MAST4: variants seen among roughly 807,000 people sequenced by gnomAD.
MAST4 encodes microtubule-associated serine/threonine-protein kinase 4.
Under a neutral mutation model 162.7 loss-of-function variants are expected in MAST4, and 89 were observed. That is an observed-to-expected ratio of 0.55 (90% confidence interval 0.46 to 0.65). The LOEUF is 0.65. Among genes scored for constraint, MAST4 ranks in the 30% least tolerant of loss-of-function variants. The pLI, the probability that MAST4 is intolerant of heterozygous loss-of-function variation, is 0.00. For synonymous variants in MAST4, 1,479 were observed against 1,361.1 expected, an observed-to-expected ratio of 1.09 and a Z score of -1.91; for missense variants, 3,153 against 3,374.0, an observed-to-expected ratio of 0.93 and a Z score of 1.62.
At chr5:66,830,680 A>G (rs1757538345) in intron 3 of MAST4, among the ~76,000 whole-genome samples, 3 of 152,150 alleles carry the variant, frequency 2.0e-5, no homozygotes, top group Non-Finnish European at 1.5e-5. Flanking sequence ...TTTTACTCCC[A>G]TTGCATCTAA....
chr5:66,813,906 A>G (rs1006622779), intron 3 of MAST4, among the ~76,000 whole-genome samples: 4 of 152,216 alleles, frequency 2.6e-5, no homozygotes, highest in Non-Finnish European at 5.9e-5. Flanking sequence ...TGCTTTCAGA[A>G]TTGTTTTGTT....
intron 4 of MAST4, among the ~76,000 whole-genome samples, chr5:66,914,453 G>C (rs1447131001): frequency 6.6e-6 from 1 of 152,198 alleles, no homozygotes; most frequent in Non-Finnish European, 1.5e-5. Context: ...TCAGGGAGTA[G>C]CTCAAGTAAT....
intron 3 of MAST4, among the ~76,000 whole-genome samples, chr5:66,795,742 C>T (rs1755615665): frequency 6.6e-6 from 1 of 152,202 alleles, no homozygotes; most frequent in Admixed American, 6.5e-5. Context: ...AATCAGCTTA[C>T]CAAACCAACT....
At chr5:67,078,054 G>A (rs764080672) in intron 5 of MAST4, among the ~76,000 whole-genome samples, 2 of 152,070 alleles carry the variant, frequency 1.3e-5, no homozygotes, top group African/African-American at 4.8e-5. Context: ...AGCCAAGATC[G>A]CGCCATTGCA....
chr5:67,163,729 A>G lies in MAST4; in HGVS notation c.4550A>G (p.Lys1517Arg). The part of the protein sequence containing the change: ...QGCLKRPVSR[K>R]VGRQESVDDL... ...TGCCTGAAACGCCCAGTCTCCCGGAAGGTGGGCCGCCAGGAGTCTGTGGAC... is the reference window on the plus strand; with the variant it reads ...TGCCTGAAACGCCCAGTCTCCCGGAGGGTGGGCCGCCAGGAGTCTGTGGAC... The change falls in exon 29 of 29, where the codon AAG becomes AGG. Residue 1517 changes from lysine to arginine, a missense_variant. Around this residue, in one of 7 missense-constraint regions of MAST4, gnomAD observed 1,644 missense variants for 1,495.0 expected, o/e 1.10. Coordinates refer to ENST00000403625, the MANE Select transcript of MAST4 (RefSeq NM_001164664.2). This position sits in a 1 kb window ranked among gnomAD's most constrained non-coding sequence, Gnocchi z 7.0. 1 of 1,609,114 alleles carries G rather than the reference A, an allele frequency of 6.2e-7. No homozygotes were observed. The highest frequency in any genetic ancestry group is 8.5e-7 in the Non-Finnish European group (1 of 1,178,008).
chr5:67,006,390 C>T (rs1271924309), intron 4 of MAST4, among the ~76,000 whole-genome samples: 1 of 152,170 alleles, frequency 6.6e-6, no homozygotes, highest in African/African-American at 2.4e-5. Context: ...TAGTATTGCT[C>T]ATCAAGTTGT....
At chr5:66,909,200 A>G (rs1763581930) in intron 4 of MAST4, among the ~76,000 whole-genome samples, 1 of 152,100 alleles carries the variant, frequency 6.6e-6, no homozygotes, top group Admixed American at 6.5e-5. Flanking sequence ...ACGTCCTTGG[A>G]TAGATCTTTC....
intron 1 of MAST4, among the ~76,000 whole-genome samples, chr5:66,624,634 A>G (rs1744304518): frequency 6.6e-6 from 1 of 152,144 alleles, no homozygotes. Context: ...CAACTTCCTG[A>G]CTTCAAATTA....
intron 4 of MAST4, among the ~76,000 whole-genome samples, chr5:66,998,230 A>G (rs1750895280): frequency 6.6e-6 from 1 of 152,222 alleles, no homozygotes; most frequent in Non-Finnish European, 1.5e-5. Flanking sequence ...TTCATGCTCA[A>G]GAGCTGTATA....
intron 3 of MAST4, among the ~76,000 whole-genome samples, chr5:66,823,421 A>T (rs1232131522): frequency 6.6e-6 from 1 of 152,198 alleles, no homozygotes; most frequent in Non-Finnish European, 1.5e-5. Context: ...ATTTGATGAG[A>T]TGATACATAT....
chr5:67,040,091 A>T (rs1756537331), intron 4 of MAST4, among the ~76,000 whole-genome samples: 1 of 152,030 alleles, frequency 6.6e-6, no homozygotes, highest in Non-Finnish European at 1.5e-5. Context: ...TGTGGGCATT[A>T]ATTCTTCTTT....
chr5:66,693,520 A>G (rs1185591414), intron 1 of MAST4, among the ~76,000 whole-genome samples: 2 of 152,326 alleles, frequency 1.3e-5, no homozygotes, highest in Admixed American at 6.5e-5. Flanking sequence ...CATTTGCCAC[A>G]ATTCGCTAAC....
chr5:66,995,888 TAC>T (rs34561453), intron 4 of MAST4, among the ~76,000 whole-genome samples: 4,161 of 146,632 alleles, frequency 0.028, 130 homozygotes, highest in African/African-American at 0.073. Context: ...CACACTCACA[TAC>T]ACACACACAC....
At chr5:66,910,209 C>T (rs932048701) in intron 4 of MAST4, among the ~76,000 whole-genome samples, 9 of 152,150 alleles carry the variant, frequency 5.9e-5, no homozygotes, top group African/African-American at 2.2e-4. Context: ...CTCAAACTTG[C>T]CTTAAAAGCA....
intron 1 of MAST4, among the ~76,000 whole-genome samples, chr5:66,733,501 C>A (rs1413189282): frequency 1.3e-5 from 2 of 152,112 alleles, no homozygotes; most frequent in East Asian, 3.9e-4. Context: ...AGTGAGTCAC[C>A]CAGGCTGGAG....
rs751898344 is a variant in MAST4, at chr5:66,596,731, T to C, written c.76T>C (p.Ser26Pro). ...CSGHGSRTPASALVAASSPGA... is the reference protein window; with the variant it reads ...CSGHGSRTPAPALVAASSPGA... ...TGGCCACGGCAGCCGGACTCCAGCC[T>C]CTGCGCTGGTCGCCGCGTCCTCTCC... Residue 26 changes from serine (S) to proline (P), a missense_variant, in exon 1 of 29, where the codon TCT (serine) becomes CCT (proline). Coordinates refer to ENST00000403625, the MANE Select transcript of MAST4 (RefSeq NM_001164664.2). 2 of 1,414,742 alleles carry C rather than the reference T, an allele frequency of 1.4e-6. No homozygotes were observed. Among genetic ancestry groups the C allele is most frequent in the South Asian group, 1.7e-5 (1 of 59,436 alleles). 87.6% of individuals were successfully genotyped at this position (1,414,742 alleles called of 1,614,324 possible). A position where few individuals can be genotyped will look rare whatever the true frequency, so the allele number is the denominator to read the frequency against.
intron 3 of MAST4, among the ~76,000 whole-genome samples, chr5:66,848,638 C>T (rs568939689): frequency 2.0e-5 from 3 of 152,286 alleles, no homozygotes; most frequent in African/African-American, 4.8e-5. Context: ...TCTCATCTGT[C>T]GACTCTTAGA....
chr5:66,613,817 C>G (rs1238777229), intron 1 of MAST4, among the ~76,000 whole-genome samples: 2 of 152,092 alleles, frequency 1.3e-5, no homozygotes, highest in African/African-American at 4.8e-5. Context: ...ATCTGTTAAA[C>G]AAAAATAAAC....
intron 3 of MAST4, among the ~76,000 whole-genome samples, chr5:66,841,789 G>A (rs1406459791): frequency 6.6e-6 from 1 of 152,122 alleles, no homozygotes; most frequent in Non-Finnish European, 1.5e-5. Flanking sequence ...TAGCTCTGGC[G>A]AGGCAAATGG....
Sources: allele counts gnomAD v4.1 joint callset (sites outside exome capture counted in the v4.1 genomes callset), GRCh38; gene constraint gnomAD v4.1.1; regional missense constraint gnomAD v4.1.1; non-coding constraint Gnocchi (gnomAD v3.1); transcripts MANE v1.5; gene names NCBI Gene and HGNC (gene_info 2026-07-23, HGNC 2026-07-21).